The following LYPD6 variants were observed in gnomAD, a reference collection of about 807,000 sequenced individuals.
LYPD6 encodes ly6/PLAUR domain-containing protein 6.
In LYPD6, 15 loss-of-function variants were observed where a neutral mutation model predicts 22.7. The observed-to-expected ratio is 0.66, with a 90% CI of 0.44 to 1.02. The LOEUF is 1.02. Ranked by LOEUF, LYPD6 falls within the 50% of genes least tolerant of loss-of-function variation. LYPD6 has a pLI of 0.00. For synonymous variants in LYPD6, 72 were observed against 77.5 expected, an observed-to-expected ratio of 0.93 and a Z score of 0.37; for missense variants, 189 against 208.4, an observed-to-expected ratio of 0.91 and a Z score of 0.57.
intron 1 of LYPD6, among the ~76,000 whole-genome samples, chr2:149,424,127 A>G (rs1304333148): frequency 1.3e-5 from 2 of 152,164 alleles, no homozygotes; most frequent in African/African-American, 4.8e-5. Context: ...ACACATGTCA[A>G]TATGCACACA....
intron 1 of LYPD6, among the ~76,000 whole-genome samples, chr2:149,357,098 A>T (rs558375957): frequency 6.6e-6 from 1 of 152,344 alleles, no homozygotes; most frequent in South Asian, 2.1e-4. Flanking sequence ...ACAGCCATTC[A>T]GTAATAATGC....
intron 1 of LYPD6, among the ~76,000 whole-genome samples, chr2:149,362,320 A>G (rs1681587757): frequency 6.6e-6 from 1 of 152,202 alleles, no homozygotes; most frequent in Non-Finnish European, 1.5e-5. Flanking sequence ...TTTATTTAAT[A>G]AATTTTTATG....
chr2:149,351,119 G>A (rs1236052226), intron 1 of LYPD6, among the ~76,000 whole-genome samples: 1 of 152,174 alleles, frequency 6.6e-6, no homozygotes, highest in Non-Finnish European at 1.5e-5. Flanking sequence ...CCTAGGCTGG[G>A]TATGGTGGCT....
chr2:149,385,229 T>C (rs1234667529), intron 1 of LYPD6, among the ~76,000 whole-genome samples: 1 of 152,154 alleles, frequency 6.6e-6, no homozygotes, highest in Non-Finnish European at 1.5e-5. Flanking sequence ...GCGCCTGATG[T>C]ATTCACTGTG....
intron 1 of LYPD6, among the ~76,000 whole-genome samples, chr2:149,393,777 C>G (rs1682367302): frequency 1.3e-5 from 2 of 152,230 alleles, no homozygotes; most frequent in Non-Finnish European, 2.9e-5. Context: ...CTTTCCCCAG[C>G]TGGCGAGACT....
chr2:149,401,857 G>C (rs541002574), intron 1 of LYPD6, among the ~76,000 whole-genome samples: 52 of 151,952 alleles, frequency 3.4e-4, no homozygotes, highest in Non-Finnish European at 6.9e-4. Flanking sequence ...TTTATCCCTT[G>C]CCACCCCCCA....
intron 1 of LYPD6, among the ~76,000 whole-genome samples, chr2:149,425,445 G>A (rs1430551878): frequency 1.3e-5 from 2 of 152,178 alleles, no homozygotes; most frequent in Non-Finnish European, 2.9e-5. Flanking sequence ...GGGTGAATGA[G>A]TGAACATGTA....
intron 1 of LYPD6, among the ~76,000 whole-genome samples, chr2:149,394,731 A>G (rs1402923675): frequency 2.0e-5 from 3 of 152,174 alleles, no homozygotes; most frequent in Non-Finnish European, 4.4e-5. Context: ...CTTATTGTAC[A>G]TAGCTTTTAA....
intron 1 of LYPD6, among the ~76,000 whole-genome samples, chr2:149,352,497 G>C (rs1681376532): frequency 1.3e-5 from 2 of 152,196 alleles, no homozygotes; most frequent in South Asian, 4.1e-4. Context: ...ACAGGCTGCT[G>C]TGAGGAGGTT....
intron 2 of LYPD6, among the ~76,000 whole-genome samples, chr2:149,447,812 A>C (rs1242331347): frequency 6.6e-6 from 1 of 152,228 alleles, no homozygotes; most frequent in East Asian, 1.9e-4. Context: ...TTTTATTGAG[A>C]TAATTTTAAA....
intron 1 of LYPD6, among the ~76,000 whole-genome samples, chr2:149,422,585 ATACT>A (rs2105134096): frequency 6.6e-6 from 1 of 152,322 alleles, no homozygotes; most frequent in Non-Finnish European, 1.5e-5. Flanking sequence ...ATCACTTCAC[ATACT>A]TAAGATTTTT....
chr2:149,478,396 G>A (rs1475565072), downstream of LYPD6, among the ~76,000 whole-genome samples: 1 of 64,568 alleles, frequency 1.5e-5, no homozygotes, highest in East Asian at 5.6e-4. Context: ...GTGTGTGTGT[G>A]TGTGCGCGCA....
At chr2:149,451,826 A>G (rs1680828933) in intron 3 of LYPD6, among the ~76,000 whole-genome samples, 1 of 152,152 alleles carries the variant, frequency 6.6e-6, no homozygotes, top group East Asian at 1.9e-4. Context: ...CCCCTTGGGG[A>G]ATTACAAAGT....
chr2:149,463,686 G>A (rs887258523), intron 3 of LYPD6, among the ~76,000 whole-genome samples: 1 of 152,100 alleles, frequency 6.6e-6, no homozygotes, highest in Admixed American at 6.6e-5. Context: ...TCTATGCCGT[G>A]GAATACTACT....
chr2:149,380,077 G>A (rs1682025020), intron 1 of LYPD6, among the ~76,000 whole-genome samples: 1 of 152,144 alleles, frequency 6.6e-6, no homozygotes, highest in South Asian at 2.1e-4. Context: ...ACAGGTATCT[G>A]GGGGAATCTT....
At chr2:149,444,746 G>A (rs760159426) in intron 2 of LYPD6, among the ~76,000 whole-genome samples, 3 of 151,828 alleles carry the variant, frequency 2.0e-5, no homozygotes, top group African/African-American at 4.8e-5. Flanking sequence ...TTCAGGCTCC[G>A]CTTCTAATTC....
chr2:149,442,669 T>C (rs1683594152), intron 2 of LYPD6, among the ~76,000 whole-genome samples: 1 of 151,886 alleles, frequency 6.6e-6, no homozygotes, highest in East Asian at 1.9e-4. Flanking sequence ...AACCTCTTTA[T>C]CAGATGCAGT....
chr2:149,409,214 G>A lies in LYPD6; in HGVS notation c.-71-28424G>A, dbSNP rs115936040. 7.7e-3 allele frequency among the ~76,000 whole-genome samples: 1,164 copies of A among 152,148 alleles called. 15 individuals carry two copies. Among genetic ancestry groups the A allele is most frequent in the African/African-American group, 0.026 (1,081 of 41,496 alleles). ...CCACCTAGCAGAGCTACCAGGCTCC[G>A]GGCTGGTACTGTGTAGTGTCTGCAG... On this transcript the variant is annotated intron_variant, in intron 1 of 4. Transcript: ENST00000334166.
intron 3 of LYPD6, among the ~76,000 whole-genome samples, chr2:149,465,709 G>T (rs753901947): frequency 2.6e-5 from 4 of 152,124 alleles, no homozygotes; most frequent in Non-Finnish European, 5.9e-5. Context: ...ATTTAGCTTT[G>T]GGTTACTTTT....
Sources: allele counts gnomAD v4.1 joint callset (sites outside exome capture counted in the v4.1 genomes callset), GRCh38; gene constraint gnomAD v4.1.1; transcripts MANE v1.5; gene names NCBI Gene and HGNC (gene_info 2026-07-23, HGNC 2026-07-21).